The following CCNH variants were observed in gnomAD, a reference collection of about 807,000 sequenced individuals.
CCNH encodes the protein cyclin H, also known as cyclin-H.
Under a neutral mutation model 41.9 loss-of-function variants are expected in CCNH, and 31 were observed. That is an observed-to-expected ratio of 0.74 (90% confidence interval 0.56 to 1.00). The LOEUF is 1.00. CCNH is among the 50% of genes least tolerant of loss of function. The pLI is 0.00. For missense variants in CCNH, 362 were observed against 388.4 expected (o/e 0.93, Z 0.57); for synonymous variants, 138 against 136.1 (o/e 1.01, Z -0.10).
At chr5:87,331,567 C>A in intron 9 of CCNH, 4 of 1,531,030 alleles carry the variant, frequency 2.6e-6, no homozygotes, top group South Asian at 1.1e-5. Flanking sequence ...CATAAATATA[C>A]CTGTATAATA....
At chr5:87,406,556 C>T (rs1763805013) in intron 4 of CCNH, among the ~76,000 whole-genome samples, 1 of 152,004 alleles carries the variant, frequency 6.6e-6, no homozygotes, top group South Asian at 2.1e-4. Flanking sequence ...TGACATGACA[C>T]TCAGGAAATT....
chr5:87,345,152 G>A (rs575242912), intron 9 of CCNH, among the ~76,000 whole-genome samples: 4 of 152,196 alleles, frequency 2.6e-5, no homozygotes, highest in Admixed American at 2.6e-4. Context: ...CCTAGGAGTA[G>A]GAACTTTATA....
chr5:87,373,271 C>T (rs1761079948), downstream of CCNH, among the ~76,000 whole-genome samples: 1 of 151,852 alleles, frequency 6.6e-6, no homozygotes, highest in Non-Finnish European at 1.5e-5. Flanking sequence ...TAAAAAGATA[C>T]AGTATAACAA....
At chr5:87,375,141 A>T (rs1761235053), downstream of CCNH, among the ~76,000 whole-genome samples, 1 of 152,328 alleles carries the variant, frequency 6.6e-6, no homozygotes, top group African/African-American at 2.4e-5. Flanking sequence ...TAAGCAATTA[A>T]GATTAAAATA....
In CCNH at chr5:87,407,988, G is replaced by A. The variant is rs775837035; in HGVS notation, c.513C>T (p.Leu171=). ...ACATCAAGTTTACCTTTAAGTCGAT[G>A]AGGAAGCCCTCAAATGGTCTGTAAG... ...HNPYRPFEGF[L]IDLKTRYPIL... is the part of the protein sequence containing the mutation. The change falls in exon 4 of 9, where the codon CTC becomes CTT. Residue 171 remains leucine (L), a synonymous_variant. Coordinates refer to ENST00000256897, the MANE Select transcript of CCNH (RefSeq NM_001239.4). The A allele has an allele frequency of 6.2e-7, 1 of 1,610,098 alleles. No homozygotes were observed. The highest frequency in any genetic ancestry group is 8.5e-7 in the Non-Finnish European group (1 of 1,176,366).
intron 1 of CCNH, chr5:87,412,457 A>G (rs1301726308): frequency 1.4e-6 from 2 of 1,402,732 alleles, no homozygotes; most frequent in African/African-American, 2.9e-5. Context: ...TACGTTACAA[A>G]GACTGGTTAC....
intron 5 of CCNH, 125 bp from the exon 6 acceptor site, chr5:87,401,897 A>C (rs1763449635): frequency 3.6e-6 from 2 of 549,888 alleles, no homozygotes; most frequent in Non-Finnish European, 6.3e-6. Context: ...TTATGAATGT[A>C]TAATCTGTAA....
intron 9 of CCNH, among the ~76,000 whole-genome samples, chr5:87,363,740 C>T (rs1760292463): frequency 6.6e-6 from 1 of 151,888 alleles, no homozygotes; most frequent in African/African-American, 2.4e-5. Flanking sequence ...ATGTTTTGTC[C>T]CTGCCCCAAC....
At chr5:87,345,443 T>C (rs555528321) in intron 9 of CCNH, among the ~76,000 whole-genome samples, 4 of 152,250 alleles carry the variant, frequency 2.6e-5, no homozygotes, top group African/African-American at 9.6e-5. Flanking sequence ...AATATAAAAA[T>C]CCTGCTCTAG....
rs117276725 is a variant in CCNH at position 87,399,905 on chromosome 5, C to T, written c.761-400G>A. On this transcript the variant is annotated intron_variant, in intron 6 of 8. Coordinates refer to ENST00000256897, the MANE Select transcript of CCNH (RefSeq NM_001239.4). ...TCTATTCCATAGACAGTGGGCCAAG[C>T]ATATACTTCCTGTTTTCAAAGGAAA... is the stretch of plus-strand genomic sequence containing the variant. 2.0e-5 allele frequency among the ~76,000 whole-genome samples: 3 copies of T among 152,268 alleles called. No homozygotes were observed. In the East Asian group the frequency reaches 5.8e-4, roughly 29 times the overall value.
chr5:87,331,541 A>G (rs1179956162), intron 9 of CCNH: 2 of 1,591,816 alleles, frequency 1.3e-6, no homozygotes, highest in South Asian at 1.1e-5. Context: ...TGATGTAGCT[A>G]TTTTGATATA....
At chr5:87,351,128 T>G (rs1248811034) in intron 9 of CCNH, among the ~76,000 whole-genome samples, 1 of 151,648 alleles carries the variant, frequency 6.6e-6, no homozygotes, top group Non-Finnish European at 1.5e-5. Context: ...AGTTATGTCT[T>G]TCATTTAGAA....
At position 87,376,327 on chromosome 5, in the gene CCNH, A is replaced by T. The variant is rs553012250; in HGVS notation, n.854T>A. On this transcript the variant is annotated non_coding_transcript_exon_variant, in exon 1 of 1. Transcript: ENST00000607486. ...ATAGGGAAGACTGAACACCAGGAAA[A>T]TTTACTTGCATGACTAATTATCGTG... is the stretch of plus-strand genomic sequence containing the variant. The T allele has an allele frequency of 1.6e-5, 25 of 1,574,200 alleles. No individual in the cohort carries two copies. In the African/African-American group the frequency reaches 2.7e-4, roughly 17 times the overall value.
chr5:87,357,059 C>G (rs577791401), intron 9 of CCNH, among the ~76,000 whole-genome samples: 1 of 152,298 alleles, frequency 6.6e-6, no homozygotes, highest in Admixed American at 6.5e-5. Context: ...TGTATTGTTA[C>G]TAAGGTCTTA....
At chr5:87,333,411 G>C in intron 9 of CCNH, 1 of 1,579,238 alleles carries the variant, frequency 6.3e-7, no homozygotes, top group Non-Finnish European at 8.6e-7. Flanking sequence ...TCTTGGACTA[G>C]GAAGCTTTTG....
chr5:87,331,076 C>A, intron 9 of CCNH: 1 of 1,037,722 alleles, frequency 9.6e-7, no homozygotes, highest in African/African-American at 1.6e-5. Context: ...AGCAGGCAAT[C>A]CTGGAAGTAG....
chr5:87,386,805 CAG>C, downstream of CCNH: 2 of 1,604,442 alleles, frequency 1.2e-6, no homozygotes, highest in Non-Finnish European at 1.7e-6. Flanking sequence ...GTGCATATAA[CAG>C]AAGCATTTTA....
chr5:87,344,460 T>A (rs187387120), intron 9 of CCNH, among the ~76,000 whole-genome samples: 1 of 152,136 alleles, frequency 6.6e-6, no homozygotes, highest in Admixed American at 6.6e-5. Flanking sequence ...CTAGCACTTA[T>A]CATCTGTAGT....
rs1760796647 is a variant in CCNH at position 87,369,798 on chromosome 5, G to A, written c.*90+22972C>T. 1.3e-6 allele frequency: 2 copies of A among 1,591,138 alleles called. No individual in the cohort carries two copies. The highest frequency in any genetic ancestry group is 1.7e-6 in the Non-Finnish European group (2 of 1,161,306). Reference sequence around the variant, plus strand: ...TTTATTAAGCTTCCTAATAATTTTTGTTTTTATTTTAAAGGCCAAACTGTT... The same window carrying A: ...TTTATTAAGCTTCCTAATAATTTTTATTTTTATTTTAAAGGCCAAACTGTT... On this transcript the variant is annotated intron_variant and NMD_transcript_variant, in intron 9 of 9. Coordinates refer to the CCNH transcript ENST00000645953.
Sources: gnomAD v4.1 joint callset for allele counts (sites outside exome capture counted in the v4.1 genomes callset) on GRCh38, gnomAD v4.1.1 for gene constraint, MANE v1.5 for transcripts, NCBI Gene and HGNC (gene_info 2026-07-23, HGNC 2026-07-21) for gene names.